The following NTM variants were observed in gnomAD, a reference collection of about 807,000 sequenced individuals.
The protein encoded by NTM is IgLON family member 2.
In NTM, 13 loss-of-function variants were observed where a neutral mutation model predicts 42.1. That is an observed-to-expected ratio of 0.31 (90% CI 0.20 to 0.49). The LOEUF (loss-of-function observed/expected upper bound fraction) is 0.49, where lower values mean the gene tolerates loss of function less well. NTM is among the 20% of genes least tolerant of loss of function. The probability of loss-of-function intolerance (pLI) is 0.99; values close to 1 mark genes in which losing one functional copy is unlikely to be tolerated. For synonymous variants in NTM, 187 were observed against 179.2 expected (o/e 1.04, Z -0.35); for missense variants, 373 against 452.8 (o/e 0.82, Z 1.60).
rs369177205 is a variant in NTM, at chr11:131,448,214, C to A, written c.82+77326C>A. On this transcript the variant is annotated intron_variant, in intron 1 of 8. Coordinates refer to ENST00000683400, the MANE Select transcript of NTM (RefSeq NM_001352005.2). ...GCGCTGAAGCCGCTGCCTTTGTCCT[C>A]CCACCTTGCCCTGAGTGAGGGGTTG... Among the ~76,000 whole-genome samples the A allele has an allele frequency of 3.9e-5, 6 of 152,366 alleles. No homozygotes were observed. In the South Asian group the frequency reaches 1.2e-3, roughly 32 times the overall value.
chr11:132,034,335 T>C (rs2076259880), intron 2 of NTM, among the ~76,000 whole-genome samples: 1 of 152,238 alleles, frequency 6.6e-6, no homozygotes. Context: ...CTACCCGTCC[T>C]GGATTGCCTC....
chr11:131,792,169 A>C (rs2136153269), intron 1 of NTM, among the ~76,000 whole-genome samples: 1 of 152,336 alleles, frequency 6.6e-6, no homozygotes, highest in Middle Eastern at 3.4e-3. Flanking sequence ...ATATCCTAGC[A>C]AAAATAAAAA....
intron 1 of NTM, among the ~76,000 whole-genome samples, chr11:131,564,986 C>T (rs2056709522): frequency 1.3e-5 from 2 of 152,234 alleles, no homozygotes; most frequent in Non-Finnish European, 2.9e-5. Context: ...GTACCTGTCA[C>T]CTACACCGCC....
At chr11:132,221,504 G>A (rs564885883) in intron 4 of NTM, among the ~76,000 whole-genome samples, 22 of 152,252 alleles carry the variant, frequency 1.4e-4, no homozygotes, top group African/African-American at 5.3e-4. Context: ...CCAGAGTGCA[G>A]GGGCTTCATT....
intron 1 of NTM, among the ~76,000 whole-genome samples, chr11:131,866,540 C>T (rs2047242368): frequency 6.6e-6 from 1 of 152,248 alleles, no homozygotes; most frequent in Non-Finnish European, 1.5e-5. Context: ...TAAGACCCAC[C>T]TCACATTAAT....
chr11:131,961,082 C>A (rs2062117217), intron 2 of NTM, among the ~76,000 whole-genome samples: 1 of 152,178 alleles, frequency 6.6e-6, no homozygotes. Context: ...CCCCTAGATC[C>A]TTTTGTAGCC....
intron 1 of NTM, among the ~76,000 whole-genome samples, chr11:131,464,896 C>G (rs937515406): frequency 1.3e-5 from 2 of 152,234 alleles, no homozygotes; most frequent in Non-Finnish European, 2.9e-5. Flanking sequence ...GATAGCTCTG[C>G]TGGACAAGAC....
chr11:132,115,840 G>C (rs7130401), intron 2 of NTM, among the ~76,000 whole-genome samples: 1 of 152,096 alleles, frequency 6.6e-6, no homozygotes, highest in Non-Finnish European at 1.5e-5. Flanking sequence ...TGTGGCAAGG[G>C]CTGGTGAGCC....
rs189767734 is a variant in NTM, at chr11:132,016,488, T to C, written c.167+104840T>C. 2.6e-3 allele frequency among the ~76,000 whole-genome samples: 399 copies of C among 152,202 alleles called. 1 individual carries two copies. The highest frequency in any genetic ancestry group is 5.0e-3 in the Non-Finnish European group (337 of 67,938). Reference sequence around the variant, plus strand: ...TTCATGTTTTTCATTTTCCTTCTTATTGTGTAATAATATTCTATTATAAAA... The same window carrying C: ...TTCATGTTTTTCATTTTCCTTCTTACTGTGTAATAATATTCTATTATAAAA... On this transcript the variant is annotated intron_variant, in intron 2 of 8. Coordinates refer to ENST00000683400, the MANE Select transcript of NTM (RefSeq NM_001352005.2).
chr11:131,387,057 A>G (rs761355274), intron 1 of NTM, among the ~76,000 whole-genome samples: 28 of 152,212 alleles, frequency 1.8e-4, no homozygotes, highest in Non-Finnish European at 3.5e-4. Context: ...AGCCCAGTCT[A>G]TCATTAACTT....
intron 1 of NTM, among the ~76,000 whole-genome samples, chr11:131,388,291 G>A (rs185692214): frequency 6.6e-6 from 1 of 152,234 alleles, no homozygotes; most frequent in African/African-American, 2.4e-5. Flanking sequence ...AGTACATATA[G>A]ATTCCCTTTG....
At chr11:132,116,630 G>A (rs1249353006) in intron 2 of NTM, among the ~76,000 whole-genome samples, 1 of 152,154 alleles carries the variant, frequency 6.6e-6, no homozygotes, top group East Asian at 1.9e-4. Flanking sequence ...CTACCTCAAG[G>A]ACCTAGCATA....
chr11:131,699,843 G>A (rs1396501333), intron 1 of NTM, among the ~76,000 whole-genome samples: 2 of 151,530 alleles, frequency 1.3e-5, no homozygotes, highest in Admixed American at 1.3e-4. Context: ...GGAGATTATA[G>A]GAACTACAAT....
intron 1 of NTM, among the ~76,000 whole-genome samples, chr11:131,896,704 T>C (rs1276554444): frequency 4.0e-5 from 5 of 124,610 alleles, no homozygotes; most frequent in Admixed American, 8.0e-5. Flanking sequence ...TTTTTTTTTC[T>C]CTGAGACGGA....
intron 4 of NTM, among the ~76,000 whole-genome samples, chr11:132,242,071 T>C (rs1167102374): frequency 6.6e-6 from 1 of 152,210 alleles, no homozygotes; most frequent in Admixed American, 6.5e-5. Context: ...TTTGATGCCA[T>C]CTCATTCGGT....
At chr11:131,553,160 T>C (rs975352413) in intron 1 of NTM, among the ~76,000 whole-genome samples, 1 of 152,096 alleles carries the variant, frequency 6.6e-6, no homozygotes, top group African/African-American at 2.4e-5. Context: ...GAATGTTTGA[T>C]GGGGAAGGGG....
intron 1 of NTM, among the ~76,000 whole-genome samples, chr11:131,634,642 A>G (rs572849117): frequency 5.8e-3 from 79 of 13,720 alleles, no homozygotes; most frequent in African/African-American, 7.8e-3. Context: ...AACCCACTAG[A>G]AAAAAGAAAA....
At chr11:132,044,533 C>G (rs2077709718) in intron 2 of NTM, among the ~76,000 whole-genome samples, 1 of 152,150 alleles carries the variant, frequency 6.6e-6, no homozygotes, top group South Asian at 2.1e-4. Context: ...TGGATCTTCT[C>G]ATGAGTCCAT....
intron 1 of NTM, among the ~76,000 whole-genome samples, chr11:131,444,510 A>G (rs1949888796): frequency 6.6e-6 from 1 of 152,216 alleles, no homozygotes; most frequent in African/African-American, 2.4e-5. Flanking sequence ...GGGGCTTGAG[A>G]AATAGAAAGG....
Sources: gnomAD v4.1 joint callset for allele counts (sites outside exome capture counted in the v4.1 genomes callset) on GRCh38, gnomAD v4.1.1 for gene constraint, MANE v1.5 for transcripts, NCBI Gene and HGNC (gene_info 2026-07-23, HGNC 2026-07-21) for gene names.